Variants in COL5A1 observed in about 807,000 individuals in gnomAD.
The protein encoded by COL5A1 is collagen alpha-1(V) chain.
In COL5A1, 16 loss-of-function variants were observed where a neutral mutation model predicts 263.7. The observed-to-expected ratio is 0.06, with a 90% CI of 0.04 to 0.09. COL5A1 has a LOEUF of 0.09. COL5A1 is among the 10% of genes least tolerant of loss of function. The pLI, the probability that COL5A1 is intolerant of heterozygous loss-of-function variation, is 1.00. For missense variants in COL5A1, 2,036 were observed against 2,540.5 expected, an observed-to-expected ratio of 0.80 and a Z score of 4.27; for synonymous variants, 1,012 against 1,004.5, an observed-to-expected ratio of 1.01 and a Z score of -0.14.
rs140031713 is a variant in COL5A1 at position 134,835,183 on chromosome 9, C to T, written c.5349C>T (p.Arg1783=). Reference sequence around the variant, plus strand: ...CCTATGACAACAACCCCTACATCCGCGCCCTGGTGGACGGCTGTGCTGTGA... The same window carrying T: ...CCTATGACAACAACCCCTACATCCGTGCCCTGGTGGACGGCTGTGCTGTGA... The part of the protein sequence containing the change: ...EMSYDNNPYI[R]ALVDGCATKK... The change falls in exon 65 of 66, where the codon CGC becomes CGT. Residue 1783 remains arginine, a synonymous_variant. Coordinates refer to ENST00000371817, the MANE Select transcript of COL5A1 (RefSeq NM_000093.5). 80 of 1,613,688 alleles carry T rather than the reference C, an allele frequency of 5.0e-5. No homozygotes were observed. In the African/African-American group the frequency reaches 5.1e-4, roughly 10 times the overall value.
chr9:134,747,654 C>A (rs1327445589), intron 11 of COL5A1, among the ~76,000 whole-genome samples: 1 of 150,230 alleles, frequency 6.7e-6, no homozygotes, highest in Non-Finnish European at 1.5e-5. Context: ...CATACACATG[C>A]AGACACATGC....
chr9:134,803,058 G>T lies in COL5A1; in HGVS notation c.3114+63G>T, dbSNP rs1001613119. ...TCCTCAGGAATCATTTTGGGACTTT[G>T]TGTTTTTCTTGCCCTTTTCTGATGA... On this transcript the variant is annotated intron_variant, in intron 39 of 65. Transcript: ENST00000371817. 4 of 1,382,198 alleles carry T rather than the reference G, an allele frequency of 2.9e-6. No individual in the cohort carries two copies. The African/African-American group carries it at 4.3e-5, about 15-fold the overall frequency. The allele number at this position is 1,382,198 out of a possible 1,614,324, so 85.6% of individuals were successfully genotyped here. A position where few individuals can be genotyped will look rare whatever the true frequency, so the allele number is the denominator to read the frequency against.
chr9:134,739,269 TGGAG>T (rs1206901619), intron 11 of COL5A1, among the ~76,000 whole-genome samples: 1 of 152,194 alleles, frequency 6.6e-6, no homozygotes, highest in African/African-American at 2.4e-5. Flanking sequence ...CGGGAGGAGA[TGGAG>T]GGAGAGCTGC....
At chr9:134,760,210 CACAT>C (rs1302301214) in intron 18 of COL5A1, among the ~76,000 whole-genome samples, 17 of 120,904 alleles carry the variant, frequency 1.4e-4, no homozygotes, top group East Asian at 4.9e-4. Context: ...CACTCATACA[CACAT>C]GCACACACCA....
Position 134,744,431 on chromosome 9 carries a change from GCA to G in COL5A1, c.1494+5629_1494+5630del, listed in dbSNP as rs1158917734. Among the ~76,000 whole-genome samples, 39 of 150,176 alleles carry G rather than the reference GCA, an allele frequency of 2.6e-4. No homozygotes were observed. The South Asian group carries it at 5.3e-3, about 21-fold the overall frequency. On this transcript the variant is annotated intron_variant, in intron 11 of 65. Transcript: ENST00000371817. ...TGCACACATGTACACACCCACACAC[GCA>G]CACACTCATGTGTACACGCACACAC...
rs374195773 is a variant in COL5A1, at chr9:134,820,346, C to T, written c.4554+123C>T. 18 of 759,298 alleles carry T rather than the reference C, an allele frequency of 2.4e-5. 1 individual carries two copies. The highest frequency in any genetic ancestry group is 8.0e-5 in the Admixed American group (4 of 50,100). The allele number at this position is 759,298 out of a possible 1,614,324, so 47.0% of individuals were successfully genotyped here. ...AGGACGTCCACACGTCGGTTGAGTC[C>T]GGTCATCCTGCTTGGCAGATGGGAA... is the stretch of plus-strand genomic sequence containing the variant. On this transcript the variant is annotated intron_variant, in intron 58 of 65. Transcript: ENST00000371817.
At chr9:134,691,143 A>T (rs1331959858) in intron 2 of COL5A1, 64 bp downstream of exon 2, 1 of 1,601,470 alleles carries the variant, frequency 6.2e-7, no homozygotes, top group Non-Finnish European at 8.5e-7. Context: ...TCCAGCCAGG[A>T]GCAGCGCTCA....
chr9:134,644,736 C>T (rs1404635322), intron 1 of COL5A1, among the ~76,000 whole-genome samples: 1 of 152,146 alleles, frequency 6.6e-6, no homozygotes, highest in Non-Finnish European at 1.5e-5. Context: ...GCATTTGGGG[C>T]TGCTGAACAG....
intron 1 of COL5A1, among the ~76,000 whole-genome samples, chr9:134,657,895 AG>A (rs1832071562): frequency 6.6e-6 from 1 of 151,872 alleles, no homozygotes; most frequent in South Asian, 2.1e-4. Flanking sequence ...CAGACTTAGA[AG>A]GTGTGGGTTC....
chr9:134,788,634 CAGATAGATGGAT>C (rs1837557341), intron 31 of COL5A1, among the ~76,000 whole-genome samples: 2 of 142,634 alleles, frequency 1.4e-5, no homozygotes, highest in African/African-American at 2.8e-5. Context: ...GATGGATAGA[CAGATAGATGGAT>C]AGACAGATAG....
At chr9:134,764,354 TG>T (rs1461351949) in intron 20 of COL5A1, among the ~76,000 whole-genome samples, 1 of 74,568 alleles carries the variant, frequency 1.3e-5, no homozygotes, top group African/African-American at 5.9e-5. Flanking sequence ...AAGGGCATTG[TG>T]GGGGATCTGA....
intron 9 of COL5A1, 79 bp downstream of exon 9, chr9:134,732,206 C>G: frequency 6.7e-7 from 1 of 1,502,778 alleles, no homozygotes; most frequent in South Asian, 1.1e-5. Flanking sequence ...AGGGTGTGAA[C>G]AGGTCCGTGG....
chr9:134,837,724 A>G (rs1244050878), intron 65 of COL5A1, among the ~76,000 whole-genome samples: 1 of 151,738 alleles, frequency 6.6e-6, no homozygotes, highest in Non-Finnish European at 1.5e-5. Flanking sequence ...AAGTGTGGCC[A>G]TTGGTTTGCA....
intron 11 of COL5A1, among the ~76,000 whole-genome samples, chr9:134,744,262 C>A (rs1835391746): frequency 6.6e-6 from 1 of 152,198 alleles, no homozygotes; most frequent in African/African-American, 2.4e-5. Context: ...GAGGTTCACA[C>A]ACACACTCAA....
chr9:134,715,740 T>C (rs1439793427), intron 4 of COL5A1, among the ~76,000 whole-genome samples: 1 of 152,246 alleles, frequency 6.6e-6, no homozygotes, highest in Non-Finnish European at 1.5e-5. Context: ...ACACAGCACA[T>C]GTCTCTGCGA....
In COL5A1 at chr9:134,821,250, G is replaced by T. The variant is rs528359212; in HGVS notation, c.4555-847G>T. On this transcript the variant is annotated intron_variant, in intron 58 of 65. Transcript: ENST00000371817. This position sits in a 1 kb window ranked among gnomAD's most constrained non-coding sequence, Gnocchi z 4.2. ...AAGCACCCCTGTGTCCACCCTGTTT[G>T]CTCACCTGCCCTCACCCCAAACCAT... Among the ~76,000 whole-genome samples the T allele has an allele frequency of 6.6e-6, 1 of 152,090 alleles. No individual in the cohort carries two copies. The highest frequency in any genetic ancestry group is 6.5e-5 in the Admixed American group (1 of 15,280).
At chr9:134,728,583 A>C (rs1834742878) in intron 5 of COL5A1, 87 bp from the exon 6 acceptor site, 4 of 1,587,762 alleles carry the variant, frequency 2.5e-6, no homozygotes, top group Non-Finnish European at 3.4e-6. Flanking sequence ...CGTGGCGTGC[A>C]GATCTGGAGG....
At position 134,802,895 on chromosome 9, in the gene COL5A1, C is replaced by T. The variant is rs201220311; in HGVS notation, c.3014C>T (p.Thr1005Met). Residue 1005 changes from threonine to methionine, a missense_variant, in exon 39 of 66, where the codon ACG (threonine) becomes ATG (methionine). Thr to Met is a moderately conservative substitution (Grantham distance 81). Around this residue, in one of 3 missense-constraint regions of COL5A1, gnomAD observed 1,078 missense variants for 1,521.4 expected, o/e 0.71. Coordinates refer to ENST00000371817, the MANE Select transcript of COL5A1 (RefSeq NM_000093.5). Reference protein sequence around the residue: ...PPGVVGPQGPTGETGPMGERG... With the variant: ...PPGVVGPQGPMGETGPMGERG... ...CACTGATTTTCCCCACAGGGTCCCA[C>T]GGGAGAAACGGGCCCAATGGGTGAG... The T allele has an allele frequency of 9.7e-5, 157 of 1,611,712 alleles. No homozygotes were observed. The highest frequency in any genetic ancestry group is 1.9e-4 in the African/African-American group (14 of 75,030).
In COL5A1 at chr9:134,809,295, G is replaced by A; in HGVS notation, c.3474+5G>A. The A allele has an allele frequency of 1.9e-6, 3 of 1,603,642 alleles. No homozygotes were observed. Among genetic ancestry groups the A allele is most frequent in the Non-Finnish European group, 2.6e-6 (3 of 1,174,980 alleles). On this transcript the variant is annotated splice_donor_5th_base_variant and intron_variant, in intron 43 of 65. Coordinates refer to ENST00000371817, the MANE Select transcript of COL5A1 (RefSeq NM_000093.5). ...CCTGGAGAAGACGGAGATAAGGTAA[G>A]GCAAATCCAGAGTGACCCATGGCTG...
Sources: gnomAD v4.1 joint callset for allele counts (sites outside exome capture counted in the v4.1 genomes callset) on GRCh38, gnomAD v4.1.1 for gene constraint, gnomAD v4.1.1 regional missense constraint, Gnocchi (gnomAD v3.1) non-coding constraint, MANE v1.5 for transcripts, NCBI Gene and HGNC (gene_info 2026-07-23, HGNC 2026-07-21) for gene names.